Variants in NAV3 observed in about 807,000 individuals in gnomAD.
NAV3 encodes the protein neuron navigator 3.
In NAV3, 87 loss-of-function variants were observed where a neutral mutation model predicts 244.7. The observed-to-expected ratio is 0.36, with a 90% CI of 0.30 to 0.42. The LOEUF (loss-of-function observed/expected upper bound fraction) is 0.42. Among genes scored for constraint, NAV3 ranks in the 20% least tolerant of loss-of-function variants. The pLI is 1.00. For synonymous variants in NAV3, 1,126 were observed against 1,042.2 expected (o/e 1.08, Z -1.55); for missense variants, 2,663 against 2,893.3 (o/e 0.92, Z 1.83).
chr12:77,740,146 C>A (rs140013516), intron 2 of NAV3, among the ~76,000 whole-genome samples: 23 of 152,296 alleles, frequency 1.5e-4, no homozygotes, highest in African/African-American at 5.5e-4. Context: ...TGCCACTTTA[C>A]TTCCAGTTTT....
intron 5 of NAV3, among the ~76,000 whole-genome samples, chr12:77,978,428 T>C (rs1593179167): frequency 6.6e-6 from 1 of 152,290 alleles, no homozygotes; most frequent in East Asian, 1.9e-4. Context: ...TACTACGTAT[T>C]TGACATGTAT....
chr12:77,658,563 C>A (rs1425703089), intron 2 of NAV3, among the ~76,000 whole-genome samples: 13 of 151,838 alleles, frequency 8.6e-5, no homozygotes, highest in Non-Finnish European at 1.8e-4. Flanking sequence ...AATGCCATCC[C>A]CATCAAGCTA....
chr12:78,174,920 A>G (rs777726257), intron 24 of NAV3, among the ~76,000 whole-genome samples: 2 of 152,060 alleles, frequency 1.3e-5, no homozygotes, highest in Non-Finnish European at 2.9e-5. Context: ...ATTAAAAAGC[A>G]CAATTAATTC....
At chr12:77,781,998 G>C (rs534694025) in intron 2 of NAV3, among the ~76,000 whole-genome samples, 9 of 152,288 alleles carry the variant, frequency 5.9e-5, no homozygotes, top group East Asian at 1.9e-4. Context: ...TTTACATGAA[G>C]ATATAAATAG....
chr12:78,121,856 G>C (rs1955682674), intron 15 of NAV3, 84 bp from the exon 16 acceptor site: 1 of 1,526,044 alleles, frequency 6.6e-7, no homozygotes, highest in Admixed American at 1.8e-5. Context: ...AAGCACACTT[G>C]GCTCTGTGTA....
At chr12:77,842,829 G>C (rs956788717) in intron 1 of NAV3, among the ~76,000 whole-genome samples, 1 of 152,086 alleles carries the variant, frequency 6.6e-6, no homozygotes, top group Admixed American at 6.6e-5. Context: ...AAGGTAATTT[G>C]TCTGTAGATT....
At chr12:77,885,428 A>G (rs1313422066) in intron 1 of NAV3, among the ~76,000 whole-genome samples, 1 of 152,132 alleles carries the variant, frequency 6.6e-6, no homozygotes, top group East Asian at 1.9e-4. Context: ...GCAGTTTCCA[A>G]TAGTACCTTA....
At chr12:78,115,360 T>C (rs1955323255) in intron 12 of NAV3, among the ~76,000 whole-genome samples, 1 of 152,210 alleles carries the variant, frequency 6.6e-6, no homozygotes, top group South Asian at 2.1e-4. Flanking sequence ...ATGCTACTAA[T>C]AAAGACTATA....
rs753642699 is a variant in NAV3, at chr12:78,159,238, G to T, written c.4821G>T (p.Gly1607=). Residue 1607 remains glycine (G), a synonymous_variant, in exon 23 of 40, where the codon GGG becomes GGT. Transcript: ENST00000397909. ...TAGCAGCTTTTGAAAAGAGCTTAGG[G>T]AATATGACTGGCCGATTGCAAAGTC... The part of the protein sequence containing the change: ...HLVAAFEKSL[G]NMTGRLQSLT... 1 of 1,613,334 alleles carries T rather than the reference G, an allele frequency of 6.2e-7. No individual in the cohort carries two copies. The highest frequency in any genetic ancestry group is 1.1e-5 in the South Asian group (1 of 91,044).
intron 12 of NAV3, 47 bp downstream of exon 12, chr12:78,059,162 T>G (rs774550414): frequency 1.8e-5 from 28 of 1,571,190 alleles, no homozygotes; most frequent in Non-Finnish European, 2.3e-5. Flanking sequence ...TGAAGTAATT[T>G]TATAAATAAG....
chr12:77,870,550 G>A (rs1880800225), intron 1 of NAV3, among the ~76,000 whole-genome samples: 1 of 151,858 alleles, frequency 6.6e-6, no homozygotes, highest in South Asian at 2.1e-4. Context: ...AGAAATACTG[G>A]GGTTAAAATG....
chr12:77,921,905 C>T (rs957654996), intron 1 of NAV3, among the ~76,000 whole-genome samples: 4 of 151,994 alleles, frequency 2.6e-5, no homozygotes, highest in Non-Finnish European at 5.9e-5. Flanking sequence ...AATTGTTTCA[C>T]GTGTAATATA....
intron 2 of NAV3, among the ~76,000 whole-genome samples, chr12:77,672,320 C>T (rs567334470): frequency 7.2e-5 from 11 of 152,150 alleles, no homozygotes; most frequent in South Asian, 2.1e-4. Context: ...AAAACCATTA[C>T]GGAAAATAGT....
intron 1 of NAV3, among the ~76,000 whole-genome samples, chr12:77,879,625 G>A (rs1882349617): frequency 7.5e-6 from 1 of 133,448 alleles, no homozygotes; most frequent in African/African-American, 2.7e-5. Flanking sequence ...AGGTTGCAGT[G>A]AGCCAAGATC....
chr12:78,020,491 C>T (rs1876967513), intron 8 of NAV3, among the ~76,000 whole-genome samples: 2 of 152,170 alleles, frequency 1.3e-5, no homozygotes, highest in Middle Eastern at 3.4e-3. Context: ...TTATTGGAGT[C>T]CAAGGCACAA....
intron 2 of NAV3, among the ~76,000 whole-genome samples, chr12:77,792,410 G>A (rs1014398399): frequency 9.9e-5 from 15 of 152,154 alleles, no homozygotes; most frequent in African/African-American, 3.4e-4. Flanking sequence ...GTAGTTCTAA[G>A]GCATTGGATG....
intron 20 of NAV3, among the ~76,000 whole-genome samples, chr12:78,142,589 T>A (rs1016842214): frequency 6.7e-6 from 1 of 150,320 alleles, no homozygotes; most frequent in African/African-American, 2.5e-5. Context: ...TGAGGATAAT[T>A]AGAAAGCATA....
chr12:77,656,040 C>T (rs1232822146), intron 2 of NAV3, among the ~76,000 whole-genome samples: 3 of 150,794 alleles, frequency 2.0e-5, no homozygotes, highest in Non-Finnish European at 4.4e-5. Flanking sequence ...TAGGAAGAAA[C>T]TGCATCAACT....
At chr12:77,636,651 T>G (rs545781153) in intron 2 of NAV3, among the ~76,000 whole-genome samples, 13 of 152,056 alleles carry the variant, frequency 8.5e-5, no homozygotes, top group Non-Finnish European at 1.8e-4. Flanking sequence ...ACTGGGTATA[T>G]ACCCAAAGGA....
Sources: allele counts gnomAD v4.1 joint callset (sites outside exome capture counted in the v4.1 genomes callset), GRCh38; gene constraint gnomAD v4.1.1; transcripts MANE v1.5; gene names NCBI Gene and HGNC (gene_info 2026-07-23, HGNC 2026-07-21).